SNTG1: variants seen among roughly 807,000 people sequenced by gnomAD.
SNTG1 encodes the protein gamma-1-syntrophin.
In SNTG1, 39 loss-of-function variants were observed where a neutral mutation model predicts 74.7. The observed-to-expected ratio is 0.52, with a 90% confidence interval of 0.40 to 0.68. The LOEUF is 0.68. Ranked by LOEUF, SNTG1 falls within the 30% of genes least tolerant of loss-of-function variation. The pLI is 0.00. For missense variants in SNTG1, 685 were observed against 609.5 expected, an observed-to-expected ratio of 1.12 and a Z score of -1.30; for synonymous variants, 254 against 217.1, an observed-to-expected ratio of 1.17 and a Z score of -1.49.
chr8:50,065,129 G>A (rs1487195923), intron 1 of SNTG1, among the ~76,000 whole-genome samples: 1 of 152,080 alleles, frequency 6.6e-6, no homozygotes, highest in Non-Finnish European at 1.5e-5. Context: ...GCTTAAAATA[G>A]TTATTCAAAT....
intron 1 of SNTG1, among the ~76,000 whole-genome samples, chr8:49,927,007 T>C (rs1255653980): frequency 1.3e-5 from 2 of 152,110 alleles, no homozygotes; most frequent in Non-Finnish European, 2.9e-5. Flanking sequence ...ACACCTTATG[T>C]CATTAATAAA....
At chr8:50,614,188 A>T (rs528056931) in intron 13 of SNTG1, among the ~76,000 whole-genome samples, 5 of 152,172 alleles carry the variant, frequency 3.3e-5, no homozygotes, top group Admixed American at 6.5e-5. Context: ...AATTTATTAC[A>T]AAGGAATAAG....
At chr8:50,569,974 C>A (rs935212034) in intron 12 of SNTG1, among the ~76,000 whole-genome samples, 1 of 152,058 alleles carries the variant, frequency 6.6e-6, no homozygotes, top group Non-Finnish European at 1.5e-5. Flanking sequence ...AGATTCTTAA[C>A]AATCATATTT....
At chr8:49,944,593 G>T (rs1476797553) in intron 1 of SNTG1, among the ~76,000 whole-genome samples, 1 of 90,442 alleles carries the variant, frequency 1.1e-5, no homozygotes, top group African/African-American at 4.4e-5. Flanking sequence ...TGGGGGGAGG[G>T]GGGAGGGATA....
At chr8:50,536,654 G>A (rs755161186) in intron 10 of SNTG1, 24 bp from the exon 11 acceptor site, 5 of 1,607,884 alleles carry the variant, frequency 3.1e-6, no homozygotes, top group Non-Finnish European at 4.2e-6. Flanking sequence ...AAAAAATTAC[G>A]TTGAATATTT....
intron 17 of SNTG1, among the ~76,000 whole-genome samples, chr8:50,734,019 T>C (rs1399480215): frequency 6.6e-6 from 1 of 151,838 alleles, no homozygotes; most frequent in African/African-American, 2.4e-5. Flanking sequence ...ATTACTTTAC[T>C]TTTTGAAATA....
upstream of SNTG1, chr8:49,909,876 A>G (rs984098409): frequency 6.6e-6 from 1 of 152,234 alleles, no homozygotes; most frequent in African/African-American, 2.4e-5. Context: ...AAAATGGCTC[A>G]AAGTCCAACC....
intron 1 of SNTG1, among the ~76,000 whole-genome samples, chr8:50,154,930 C>T (rs932278775): frequency 6.6e-6 from 1 of 152,118 alleles, no homozygotes; most frequent in Non-Finnish European, 1.5e-5. Context: ...CAATGTTAAC[C>T]TGTTAATGGT....
In SNTG1 at chr8:50,138,846, T is replaced by C. The variant is rs531295767; in HGVS notation, c.-102-33715T>C. On this transcript the variant is annotated intron_variant, in intron 1 of 18. Transcript: ENST00000642720. The stretch of plus-strand genomic sequence containing the variant: ...TAAAAGTGGGTAGGATTATTGCATA[T>C]TTTCCTAAGCAAATAAAAACTATAA... 5.3e-5 allele frequency among the ~76,000 whole-genome samples: 8 copies of C among 152,088 alleles called. No individual in the cohort carries two copies. In the South Asian group the frequency reaches 1.5e-3, roughly 28 times the overall value.
chr8:50,147,870 A>G (rs2081926487), intron 1 of SNTG1, among the ~76,000 whole-genome samples: 1 of 152,088 alleles, frequency 6.6e-6, no homozygotes, highest in South Asian at 2.1e-4. Flanking sequence ...TCTAAATATT[A>G]CTCTCTAATG....
chr8:50,663,410 G>C (rs1451154870), intron 15 of SNTG1, among the ~76,000 whole-genome samples: 2 of 152,152 alleles, frequency 1.3e-5, no homozygotes, highest in Non-Finnish European at 2.9e-5. Context: ...GAAGGGGCCA[G>C]AGGGGAGTGC....
In SNTG1 at chr8:50,212,111, G is replaced by GT. The variant is rs199711868; in HGVS notation, c.-28+39485dup. Among the ~76,000 whole-genome samples, 93 of 151,008 alleles carry GT rather than the reference G, an allele frequency of 6.2e-4. No homozygotes were observed. The East Asian group carries it at 0.01, about 17-fold the overall frequency. Reference sequence around the variant, plus strand: ...ATTTTACATCTTTCTCTCAAAACTGGTTTTTTTTTCTCTCATTTTCTTCAT... The same window carrying GT: ...ATTTTACATCTTTCTCTCAAAACTGGTTTTTTTTTTCTCTCATTTTCTTCAT... On this transcript the variant is annotated intron_variant, in intron 2 of 18. Coordinates refer to ENST00000642720, the MANE Select transcript of SNTG1 (RefSeq NM_018967.5).
At chr8:50,656,780 TTA>T in intron 13 of SNTG1, 127 bp from the exon 14 acceptor site, 1 of 623,288 alleles carries the variant, frequency 1.6e-6, no homozygotes, top group South Asian at 2.3e-5. Flanking sequence ...TTTGATAATT[TTA>T]TGTGAGTTTT....
intron 13 of SNTG1, among the ~76,000 whole-genome samples, chr8:50,635,561 T>A (rs1422175124): frequency 6.6e-6 from 1 of 152,158 alleles, no homozygotes; most frequent in Non-Finnish European, 1.5e-5. Flanking sequence ...TCTCTCCCCA[T>A]GGTCACCATC....
At chr8:50,302,756 C>T (rs1416411851) in intron 2 of SNTG1, among the ~76,000 whole-genome samples, 1 of 152,066 alleles carries the variant, frequency 6.6e-6, no homozygotes, top group Non-Finnish European at 1.5e-5. Flanking sequence ...AACACGGGGG[C>T]CCTCACCAAA....
chr8:49,915,328 T>G (rs1210337708), intron 1 of SNTG1, among the ~76,000 whole-genome samples: 1 of 152,182 alleles, frequency 6.6e-6, no homozygotes. Context: ...TGAGTTATTA[T>G]AAATAATTTC....
Position 50,245,679 on chromosome 8 carries a change from T to A in SNTG1, c.-28+73044T>A, listed in dbSNP as rs527537857. 3.3e-5 allele frequency among the ~76,000 whole-genome samples: 5 copies of A among 152,044 alleles called. 1 individual carries two copies. In the South Asian group the frequency reaches 1.0e-3, roughly 32 times the overall value. ...GCCTAAGTGGCAGAGTAAGAGTCCA[T>A]CTCAAACAAACAAACAGACAAAAGA... On this transcript the variant is annotated intron_variant, in intron 2 of 18. Transcript: ENST00000642720.
At chr8:50,539,479 G>A (rs1190673169) in intron 11 of SNTG1, among the ~76,000 whole-genome samples, 5 of 152,220 alleles carry the variant, frequency 3.3e-5, no homozygotes, top group African/African-American at 9.6e-5. Flanking sequence ...CAGCTCCTCA[G>A]GGAATTCTAC....
chr8:50,174,365 G>A (rs1052796935), intron 2 of SNTG1, among the ~76,000 whole-genome samples: 1 of 152,190 alleles, frequency 6.6e-6, no homozygotes, highest in Admixed American at 6.5e-5. Flanking sequence ...TAATGGGATT[G>A]CTGGGTCAAA....
Sources: allele counts gnomAD v4.1 joint callset (sites outside exome capture counted in the v4.1 genomes callset), GRCh38; gene constraint gnomAD v4.1.1; transcripts MANE v1.5; gene names NCBI Gene and HGNC (gene_info 2026-07-23, HGNC 2026-07-21).